ZNF423: variants seen among roughly 807,000 people sequenced by gnomAD.
ZNF423 encodes the protein zinc finger protein 423.
Under a neutral mutation model 95.8 loss-of-function variants are expected in ZNF423, and 12 were observed. The ratio of observed to expected loss-of-function variants is 0.13; its 90% CI spans 0.08 to 0.20. The LOEUF (loss-of-function observed/expected upper bound fraction) is 0.20, where lower values mean the gene tolerates loss of function less well. Among genes scored for constraint, ZNF423 ranks in the 10% least tolerant of loss-of-function variants. The probability of loss-of-function intolerance (pLI) is 1.00; values close to 1 mark genes in which losing one functional copy is unlikely to be tolerated. For missense variants in ZNF423, 1,316 were observed against 1,737.1 expected (o/e 0.76, Z 4.31); for synonymous variants, 749 against 711.9 (o/e 1.05, Z -0.83).
At chr16:49,853,901 CA>C (rs1170802499) in intron 1 of ZNF423, 2 of 985,274 alleles carry the variant, frequency 2.0e-6, no homozygotes, top group Non-Finnish European at 2.4e-6. Flanking sequence ...TTTGCAAACT[CA>C]AAATCAACTG....
chr16:49,701,127 A>T (rs902975408), intron 3 of ZNF423, among the ~76,000 whole-genome samples: 4 of 152,166 alleles, frequency 2.6e-5, no homozygotes, highest in Non-Finnish European at 5.9e-5. Context: ...GCTTAAATTA[A>T]CCCTAAGGCT....
At chr16:49,726,478 A>G (rs1422642811) in intron 3 of ZNF423, among the ~76,000 whole-genome samples, 7 of 152,286 alleles carry the variant, frequency 4.6e-5, no homozygotes, top group African/African-American at 1.4e-4. Context: ...CTCCTAGAAG[A>G]TGATGATAAA....
At chr16:49,596,635 G>A (rs1230139791) in intron 5 of ZNF423, among the ~76,000 whole-genome samples, 1 of 152,224 alleles carries the variant, frequency 6.6e-6, no homozygotes, top group Non-Finnish European at 1.5e-5. Flanking sequence ...CTGGAGAACA[G>A]CAAGCCACAA....
intron 5 of ZNF423, among the ~76,000 whole-genome samples, chr16:49,612,251 T>C (rs1971747793): frequency 6.6e-6 from 1 of 151,690 alleles, no homozygotes; most frequent in South Asian, 2.1e-4. Flanking sequence ...TATTAGCAAA[T>C]AGCAGTTAGC....
At chr16:49,689,969 G>A (rs1021461661) in intron 3 of ZNF423, among the ~76,000 whole-genome samples, 76 of 152,244 alleles carry the variant, frequency 5.0e-4, no homozygotes, top group African/African-American at 1.6e-3. Context: ...TGGTAGCCTG[G>A]ACTGTTTCAC....
intron 1 of ZNF423, among the ~76,000 whole-genome samples, chr16:49,841,112 G>A (rs548535406): frequency 6.6e-6 from 1 of 152,220 alleles, no homozygotes; most frequent in Non-Finnish European, 1.5e-5. Flanking sequence ...CCATTTCAAA[G>A]GAAAAGAAAC....
intron 3 of ZNF423, among the ~76,000 whole-genome samples, chr16:49,706,458 G>T (rs1445254005): frequency 6.6e-6 from 1 of 152,206 alleles, no homozygotes; most frequent in East Asian, 1.9e-4. Flanking sequence ...TCTAAAGGGG[G>T]CTCACTGCCT....
At chr16:49,519,560 A>G (rs943042119) in intron 7 of ZNF423, among the ~76,000 whole-genome samples, 1 of 152,062 alleles carries the variant, frequency 6.6e-6, no homozygotes, top group African/African-American at 2.4e-5. Context: ...ATTTTTGCTC[A>G]TTTTTTAGTT....
chr16:49,532,808 C>T (rs928006756), intron 5 of ZNF423, among the ~76,000 whole-genome samples: 1 of 152,200 alleles, frequency 6.6e-6, no homozygotes, highest in Non-Finnish European at 1.5e-5. Flanking sequence ...GGTCACATAT[C>T]AGAAAGAAAA....
chr16:49,843,098 G>A (rs929027273), intron 1 of ZNF423, among the ~76,000 whole-genome samples: 3 of 152,154 alleles, frequency 2.0e-5, no homozygotes, highest in African/African-American at 7.2e-5. Context: ...TTTGTGGAAG[G>A]CAATTTGGAA....
intron 7 of ZNF423, among the ~76,000 whole-genome samples, chr16:49,509,521 C>T (rs1336822987): frequency 6.6e-6 from 1 of 152,208 alleles, no homozygotes; most frequent in Non-Finnish European, 1.5e-5. Flanking sequence ...CTGACGGGTG[C>T]TCCTGAAATG....
chr16:49,660,445 G>A (rs1375650048), intron 3 of ZNF423, among the ~76,000 whole-genome samples: 1 of 152,184 alleles, frequency 6.6e-6, no homozygotes, highest in Non-Finnish European at 1.5e-5. Flanking sequence ...AAGCAGCAAG[G>A]AGCCACTCAA....
intron 2 of ZNF423, among the ~76,000 whole-genome samples, chr16:49,758,947 G>A (rs768406217): frequency 5.9e-5 from 9 of 152,284 alleles, no homozygotes; most frequent in South Asian, 2.1e-4. Flanking sequence ...TAAGCCTTCC[G>A]AAGTAGCTTG....
At position 49,799,814 on chromosome 16, in the gene ZNF423, G is replaced by C. The variant is rs2034554840; in HGVS notation, c.41-10268C>G. Among the ~76,000 whole-genome samples, 4 of 152,166 alleles carry C rather than the reference G, an allele frequency of 2.6e-5. 1 individual carries two copies. Among genetic ancestry groups the C allele is most frequent in the Non-Finnish European group, 5.9e-5 (4 of 68,042 alleles). ...TTGGTTTATTTTATTTTTTAAGACA[G>C]GTTCTCACTGTGTCATTCAGGCTGG... On this transcript the variant is annotated intron_variant, in intron 1 of 7. Coordinates refer to ENST00000563137, the MANE Select transcript of ZNF423 (RefSeq NM_001379286.1).
intron 3 of ZNF423, among the ~76,000 whole-genome samples, chr16:49,659,821 G>A (rs1031837703): frequency 3.3e-5 from 5 of 152,230 alleles, no homozygotes; most frequent in African/African-American, 7.2e-5. Flanking sequence ...CGGCACCCCT[G>A]TGGGTGGTGC....
intron 3 of ZNF423, among the ~76,000 whole-genome samples, chr16:49,680,586 C>T (rs996353662): frequency 6.6e-5 from 10 of 152,200 alleles, no homozygotes; most frequent in African/African-American, 2.4e-4. Flanking sequence ...TCCAAGCTTC[C>T]GGACACCACT....
At chr16:49,617,069 T>C (rs956231929) in intron 5 of ZNF423, among the ~76,000 whole-genome samples, 1 of 152,178 alleles carries the variant, frequency 6.6e-6, no homozygotes. Context: ...TTCTTTTCAA[T>C]AATACCCTTC....
chr16:49,676,281 C>T (rs953321906), intron 3 of ZNF423, among the ~76,000 whole-genome samples: 14 of 152,346 alleles, frequency 9.2e-5, no homozygotes, highest in South Asian at 2.1e-4. Context: ...TACACACACA[C>T]GCACACGGGC....
chr16:49,567,535 G>C (rs1378717005), intron 5 of ZNF423, among the ~76,000 whole-genome samples: 1 of 152,072 alleles, frequency 6.6e-6, no homozygotes, highest in African/African-American at 2.4e-5. Flanking sequence ...CTCGGTCGCC[G>C]TTCATGCTGG....
Sources: allele counts gnomAD v4.1 joint callset (sites outside exome capture counted in the v4.1 genomes callset), GRCh38; gene constraint gnomAD v4.1.1; transcripts MANE v1.5; gene names NCBI Gene and HGNC (gene_info 2026-07-23, HGNC 2026-07-21).